The following SCRG1 variants were observed in gnomAD, a reference collection of about 807,000 sequenced individuals.
SCRG1 encodes the protein scrapie-responsive protein 1.
In SCRG1, 3 loss-of-function variants were observed where a neutral mutation model predicts 7.7. The observed-to-expected ratio is 0.39, with a 90% CI of 0.18 to 1.01. The LOEUF is 1.01. SCRG1 is among the 50% of genes least tolerant of loss of function. The pLI is 0.36. For synonymous variants in SCRG1, 46 were observed against 41.2 expected, an observed-to-expected ratio of 1.12 and a Z score of -0.44; for missense variants, 110 against 117.2, an observed-to-expected ratio of 0.94 and a Z score of 0.28.
At chr4:173,497,230 C>T in the SCRG1 span, among the ~76,000 whole-genome samples, 3 of 152,224 alleles carry the variant, frequency 2.0e-5, no homozygotes, top group African/African-American at 4.8e-5. Flanking sequence ...CACCAGTTGG[C>T]TGAATGTCAG....
the SCRG1 span, among the ~76,000 whole-genome samples, chr4:173,445,686 G>A: frequency 6.9e-6 from 1 of 145,822 alleles, no homozygotes; most frequent in Non-Finnish European, 1.5e-5. Context: ...TTTTTTTTGA[G>A]ATGGAGTCTT....
chr4:173,484,602 G>A, the SCRG1 span, among the ~76,000 whole-genome samples: 1 of 82,102 alleles, frequency 1.2e-5, no homozygotes, highest in Non-Finnish European at 2.0e-5. Flanking sequence ...TATATTTTAT[G>A]TAGTATATAT....
upstream of SCRG1, among the ~76,000 whole-genome samples, chr4:173,407,954 A>T (rs77427000): frequency 3.2e-4 from 49 of 152,352 alleles, no homozygotes; most frequent in East Asian, 8.7e-3. Context: ...TACTAATAAA[A>T]CATTAAAAAT....
chr4:173,402,587 G>T (rs1169141047), upstream of SCRG1, among the ~76,000 whole-genome samples: 1 of 152,122 alleles, frequency 6.6e-6, no homozygotes, highest in Admixed American at 6.5e-5. Flanking sequence ...TCTTAAGCTT[G>T]TGAGAGAAAA....
chr4:173,491,738 C>T, the SCRG1 span, among the ~76,000 whole-genome samples: 33 of 152,308 alleles, frequency 2.2e-4, no homozygotes, highest in South Asian at 6.8e-3. Context: ...TCCCCAGTAA[C>T]TTGTCATTCA....
the SCRG1 span, among the ~76,000 whole-genome samples, chr4:173,444,294 AC>A: frequency 6.6e-6 from 1 of 152,080 alleles, no homozygotes; most frequent in African/African-American, 2.4e-5. Flanking sequence ...TTTTTTTAGA[AC>A]CACTCTATCT....
chr4:173,426,707 A>G, the SCRG1 span, among the ~76,000 whole-genome samples: 1 of 152,182 alleles, frequency 6.6e-6, no homozygotes, highest in Non-Finnish European at 1.5e-5. Context: ...GGGCTCAAGC[A>G]GTCCTTCTGC....
chr4:173,420,356 G>A, the SCRG1 span, among the ~76,000 whole-genome samples: 1 of 152,238 alleles, frequency 6.6e-6, no homozygotes, highest in East Asian at 1.9e-4. Flanking sequence ...AGAGGGAAAG[G>A]GTCTTGTGTG....
chr4:173,467,849 GC>G, the SCRG1 span: 4 of 152,154 alleles, frequency 2.6e-5, no homozygotes, highest in African/African-American at 9.7e-5. Flanking sequence ...AACAAACCAT[GC>G]TTTTTAATTA....
chr4:173,438,840 T>A, the SCRG1 span, among the ~76,000 whole-genome samples: 1 of 152,048 alleles, frequency 6.6e-6, no homozygotes, highest in Non-Finnish European at 1.5e-5. Context: ...TCATAAAAAA[T>A]TGAGATGTTG....
At chr4:173,435,749 C>T in the SCRG1 span, among the ~76,000 whole-genome samples, 1 of 151,762 alleles carries the variant, frequency 6.6e-6, no homozygotes, top group East Asian at 1.9e-4. Context: ...GTTTTTTAAA[C>T]ACTCTTGTGA....
At chr4:173,430,322 C>A in the SCRG1 span, among the ~76,000 whole-genome samples, 2 of 152,114 alleles carry the variant, frequency 1.3e-5, no homozygotes, top group South Asian at 4.1e-4. Context: ...TGGATGACAC[C>A]TAGGTTCTCC....
intron 1 of SCRG1, chr4:173,398,239 A>G (rs527988563): frequency 6.6e-6 from 1 of 152,336 alleles, no homozygotes; most frequent in East Asian, 1.9e-4. Context: ...AAACAGACAT[A>G]TCATCTTAAA....
chr4:173,411,846 C>T, the SCRG1 span, among the ~76,000 whole-genome samples: 1 of 152,164 alleles, frequency 6.6e-6, no homozygotes, highest in African/African-American at 2.4e-5. Context: ...TAAATGCTTC[C>T]AATGGCTTCT....
chr4:173,433,402 CTTTT>C, the SCRG1 span, among the ~76,000 whole-genome samples: 1,800 of 152,314 alleles, frequency 0.012, 23 homozygotes, highest in African/African-American at 0.039. Context: ...AAAACAGAAG[CTTTT>C]AAGCTTGTTG....
chr4:173,396,680 G>A (rs751538014), intron 1 of SCRG1, among the ~76,000 whole-genome samples: 1 of 150,830 alleles, frequency 6.6e-6, no homozygotes, highest in African/African-American at 2.4e-5. Context: ...ACAATGGAAA[G>A]TTCCACACCT....
chr4:173,417,549 T>C, the SCRG1 span, among the ~76,000 whole-genome samples: 3 of 152,214 alleles, frequency 2.0e-5, no homozygotes, highest in Non-Finnish European at 4.4e-5. Flanking sequence ...TTTACAGACA[T>C]GACCTCATGA....
chr4:173,511,839 T>C, the SCRG1 span, among the ~76,000 whole-genome samples: 1 of 152,224 alleles, frequency 6.6e-6, no homozygotes, highest in Non-Finnish European at 1.5e-5. The surrounding 1 kb of genome is among the most constrained non-coding windows in gnomAD (Gnocchi z 5.2). Flanking sequence ...GAGGACATTT[T>C]AAACTTCTAA....
At chr4:173,484,157 T>A in the SCRG1 span, among the ~76,000 whole-genome samples, 1 of 19,068 alleles carries the variant, frequency 5.2e-5, no homozygotes, top group African/African-American at 1.3e-4. Context: ...TAGAATATTT[T>A]CTACATTATA....
Sources: allele counts gnomAD v4.1 joint callset (sites outside exome capture counted in the v4.1 genomes callset), GRCh38; gene constraint gnomAD v4.1.1; non-coding constraint Gnocchi (gnomAD v3.1); transcripts MANE v1.5; gene names NCBI Gene and HGNC (gene_info 2026-07-23, HGNC 2026-07-21).